ASIC2: variants seen among roughly 807,000 people sequenced by gnomAD.
ASIC2 encodes acid-sensing ion channel 2.
ASIC2 carries 25 observed loss-of-function variants against 57.3 expected under a neutral mutation model. The ratio of observed to expected loss-of-function variants is 0.44; its 90% confidence interval spans 0.32 to 0.61. The LOEUF (loss-of-function observed/expected upper bound fraction) is 0.61, where lower values mean the gene tolerates loss of function less well. ASIC2 is among the 20% of genes least tolerant of loss of function. The pLI, the probability that ASIC2 is intolerant of heterozygous loss-of-function variation, is 0.06. For missense variants in ASIC2, 641 were observed against 738.1 expected (o/e 0.87, Z 1.52); for synonymous variants, 319 against 307.5 (o/e 1.04, Z -0.39).
At chr17:33,936,989 G>A (rs1440606468) in intron 1 of ASIC2, among the ~76,000 whole-genome samples, 6 of 152,168 alleles carry the variant, frequency 3.9e-5, no homozygotes, top group Non-Finnish European at 8.8e-5. Context: ...AAGCCCAAGC[G>A]GAGAGAGTTA....
chr17:34,060,132 C>T (rs1448536071), intron 1 of ASIC2, among the ~76,000 whole-genome samples: 2 of 152,164 alleles, frequency 1.3e-5, no homozygotes, highest in Non-Finnish European at 2.9e-5. Flanking sequence ...TGCTGGTATC[C>T]ACAGTTGAGA....
rs76652648 is a variant in ASIC2, at chr17:33,625,827, C to T, written c.556-513760G>A. Among the ~76,000 whole-genome samples the T allele has an allele frequency of 4.5e-4, 68 of 152,272 alleles. 1 individual carries two copies. In the East Asian group the frequency reaches 0.012, roughly 26 times the overall value. On this transcript the variant is annotated intron_variant, in intron 1 of 9. Transcript: ENST00000359872. Reference sequence around the variant, plus strand: ...AAATCTACACTGCTTAGCTTGCAGACGCTTCATGAGTATCTTTGAACTGGA... The same window carrying T: ...AAATCTACACTGCTTAGCTTGCAGATGCTTCATGAGTATCTTTGAACTGGA...
intron 1 of ASIC2, among the ~76,000 whole-genome samples, chr17:33,285,639 C>T (rs1006805308): frequency 6.6e-6 from 1 of 152,224 alleles, no homozygotes; most frequent in Non-Finnish European, 1.5e-5. Context: ...ACCCTGCCTC[C>T]TACTGATGGA....
intron 1 of ASIC2, among the ~76,000 whole-genome samples, chr17:33,205,976 AC>A (rs1907045396): frequency 1.3e-5 from 2 of 152,186 alleles, no homozygotes; most frequent in Admixed American, 6.5e-5. Flanking sequence ...AAAGCTCAAC[AC>A]TAAATTATGA....
chr17:33,311,905 G>T (rs565533843), intron 1 of ASIC2, among the ~76,000 whole-genome samples: 178 of 152,276 alleles, frequency 1.2e-3, no homozygotes, highest in Non-Finnish European at 1.9e-3. Flanking sequence ...TCCACCATCA[G>T]CAAATGGCTC....
chr17:33,561,584 G>A lies in ASIC2; in HGVS notation c.556-449517C>T, dbSNP rs150637415. Among the ~76,000 whole-genome samples the A allele has an allele frequency of 8.7e-4, 132 of 152,292 alleles. 2 individuals are homozygous for A. Among genetic ancestry groups the A allele is most frequent in the African/African-American group, 3.1e-3 (127 of 41,556 alleles). The stretch of plus-strand genomic sequence containing the variant: ...GGACTCTTCTTCCACTGTCTGCATC[G>A]TTTGGAGTGCTGCAATTTGTAGAAC... On this transcript the variant is annotated intron_variant, in intron 1 of 9. Coordinates refer to the ASIC2 transcript ENST00000359872.
intron 1 of ASIC2, among the ~76,000 whole-genome samples, chr17:33,457,813 T>C (rs531956265): frequency 1.3e-5 from 2 of 152,318 alleles, no homozygotes; most frequent in African/African-American, 2.4e-5. Context: ...TATTCTCTTA[T>C]GGATGAAGAA....
chr17:33,892,654 G>A (rs1049690864), intron 1 of ASIC2, among the ~76,000 whole-genome samples: 1 of 152,182 alleles, frequency 6.6e-6, no homozygotes, highest in Non-Finnish European at 1.5e-5. Flanking sequence ...GCATCCTTGA[G>A]AATAAGAATA....
intron 1 of ASIC2, among the ~76,000 whole-genome samples, chr17:34,135,884 T>TA (rs1248499581): frequency 6.6e-6 from 1 of 151,920 alleles, no homozygotes; most frequent in Non-Finnish European, 1.5e-5. Flanking sequence ...ATCATTATTC[T>TA]AAAAAAAATA....
chr17:34,034,376 C>CTA (rs1242321692), intron 1 of ASIC2, among the ~76,000 whole-genome samples: 1 of 152,168 alleles, frequency 6.6e-6, no homozygotes, highest in East Asian at 1.9e-4. Flanking sequence ...ATAATAAGAG[C>CTA]TATCTATGAC....
At chr17:34,052,865 C>T (rs372333852) in intron 1 of ASIC2, among the ~76,000 whole-genome samples, 5 of 151,934 alleles carry the variant, frequency 3.3e-5, no homozygotes, top group African/African-American at 7.3e-5. Context: ...GTGATCCACC[C>T]GCCTCGCCCT....
intron 1 of ASIC2, among the ~76,000 whole-genome samples, chr17:33,398,363 C>T (rs999489136): frequency 8.5e-5 from 13 of 152,146 alleles, no homozygotes; most frequent in African/African-American, 3.1e-4. Context: ...TCAGAAGCCA[C>T]CCTGGATAAA....
At chr17:33,852,474 A>T (rs910008121) in intron 1 of ASIC2, among the ~76,000 whole-genome samples, 5 of 152,150 alleles carry the variant, frequency 3.3e-5, no homozygotes, top group African/African-American at 1.2e-4. Flanking sequence ...AATTATGTGA[A>T]GGCACTATGA....
chr17:33,981,093 G>A (rs927226383), intron 1 of ASIC2, among the ~76,000 whole-genome samples: 3 of 151,702 alleles, frequency 2.0e-5, no homozygotes, highest in Admixed American at 1.3e-4. Context: ...GCACAATCTC[G>A]CCTGGCTAAT....
rs1280310939 is a variant in ASIC2 at position 33,495,962 on chromosome 17, C to CA, written c.556-383896dup. ...CAAAGGCCCTAGACAGGTGAAGACT[C>CA]AGAGAAGGGAAGGAGACCATCAATG... On this transcript the variant is annotated intron_variant, in intron 1 of 9. Coordinates refer to the ASIC2 transcript ENST00000359872. Among the ~76,000 whole-genome samples, 4 of 152,300 alleles carry CA rather than the reference C, an allele frequency of 2.6e-5. No homozygotes were observed. In the South Asian group the frequency reaches 6.2e-4, roughly 24 times the overall value.
intron 1 of ASIC2, among the ~76,000 whole-genome samples, chr17:33,748,815 A>G (rs950355715): frequency 6.6e-6 from 1 of 152,206 alleles, no homozygotes; most frequent in African/African-American, 2.4e-5. Flanking sequence ...AATACTCTGT[A>G]CACAATAGAC....
chr17:33,881,802 G>T (rs1914706614), intron 1 of ASIC2, among the ~76,000 whole-genome samples: 1 of 152,132 alleles, frequency 6.6e-6, no homozygotes, highest in Non-Finnish European at 1.5e-5. Context: ...TCATTGCCAA[G>T]TCAATCCTAG....
intron 1 of ASIC2, among the ~76,000 whole-genome samples, chr17:34,106,870 A>AT (rs1911079759): frequency 6.6e-6 from 1 of 152,152 alleles, no homozygotes; most frequent in East Asian, 1.9e-4. Flanking sequence ...GAGAAATGGT[A>AT]GTAGAGACAA....
intron 1 of ASIC2, among the ~76,000 whole-genome samples, chr17:33,128,002 A>T (rs1334912485): frequency 1.3e-5 from 2 of 152,160 alleles, no homozygotes; most frequent in East Asian, 3.9e-4. Context: ...CAAAGACACC[A>T]TCCTACTTCA....
Sources: gnomAD v4.1 joint callset for allele counts (sites outside exome capture counted in the v4.1 genomes callset) on GRCh38, gnomAD v4.1.1 for gene constraint, MANE v1.5 for transcripts, NCBI Gene and HGNC (gene_info 2026-07-23, HGNC 2026-07-21) for gene names.